DTWD2: variants seen among roughly 807,000 people sequenced by gnomAD.
DTWD2 encodes the protein tRNA-uridine aminocarboxypropyltransferase 2.
DTWD2 carries 39 observed loss-of-function variants against 31.8 expected under a neutral mutation model. The ratio of observed to expected loss-of-function variants is 1.22; its 90% CI spans 0.95 to 1.60. The LOEUF is 1.60. Ranked by LOEUF, DTWD2 falls within the 40% of genes most tolerant of loss-of-function variation. The pLI is 0.00. For synonymous variants in DTWD2, 180 were observed against 142.8 expected, an observed-to-expected ratio of 1.26 and a Z score of -1.86; for missense variants, 515 against 381.5, an observed-to-expected ratio of 1.35 and a Z score of -2.92.
intron 1 of DTWD2, among the ~76,000 whole-genome samples, chr5:118,962,773 G>A (rs970814816): frequency 6.6e-6 from 1 of 152,186 alleles, no homozygotes; most frequent in Non-Finnish European, 1.5e-5. Flanking sequence ...TCAGCAGGAG[G>A]TAGTATTTTT....
intron 1 of DTWD2, among the ~76,000 whole-genome samples, chr5:118,945,224 C>T (rs1754304698): frequency 6.6e-6 from 1 of 152,124 alleles, no homozygotes; most frequent in African/African-American, 2.4e-5. Context: ...CTTACCTTTT[C>T]TTACTGCTTG....
rs559168599 is a variant in DTWD2 at position 118,853,179 on chromosome 5, C to T, written c.598-4961G>A. On this transcript the variant is annotated intron_variant, in intron 4 of 5. Coordinates refer to ENST00000510708, the MANE Select transcript of DTWD2 (RefSeq NM_173666.4). ...CTCAGCATCACACAATATACCCATGCAACAAACCTGCACATATACCTCTTG... is the reference window on the plus strand; with the variant it reads ...CTCAGCATCACACAATATACCCATGTAACAAACCTGCACATATACCTCTTG... 6.6e-5 allele frequency among the ~76,000 whole-genome samples: 10 copies of T among 152,268 alleles called. No individual in the cohort carries two copies. In the East Asian group the frequency reaches 1.9e-3, roughly 29 times the overall value.
chr5:118,864,447 G>A (rs1272441233), intron 4 of DTWD2, among the ~76,000 whole-genome samples: 1 of 150,502 alleles, frequency 6.6e-6, no homozygotes, highest in East Asian at 1.9e-4. Flanking sequence ...CGAGTTAATG[G>A]GTGCAGCACA....
chr5:118,873,472 G>T (rs759833565), intron 4 of DTWD2, among the ~76,000 whole-genome samples: 3 of 152,178 alleles, frequency 2.0e-5, no homozygotes, highest in Admixed American at 6.5e-5. Context: ...TCAGCAGGGC[G>T]GCTCCTACAG....
rs146945157 is a variant in DTWD2 at position 118,924,108 on chromosome 5, G to A, written c.597+4429C>T. Among the ~76,000 whole-genome samples the A allele has an allele frequency of 5.9e-5, 9 of 152,286 alleles. No homozygotes were observed. In the East Asian group the frequency reaches 1.7e-3, roughly 29 times the overall value. On this transcript the variant is annotated intron_variant, in intron 4 of 5. Coordinates refer to ENST00000510708, the MANE Select transcript of DTWD2 (RefSeq NM_173666.4). ...TGATTCTCAAGAGTCTTCCAAAAAG[G>A]CAGAGGGCAGACCAACAGACAGGGG...
At chr5:118,876,127 G>A (rs1161608452) in intron 4 of DTWD2, among the ~76,000 whole-genome samples, 1 of 152,090 alleles carries the variant, frequency 6.6e-6, no homozygotes, top group African/African-American at 2.4e-5. Flanking sequence ...ATGAAATGAA[G>A]GCAGAAATCA....
Position 118,885,373 on chromosome 5 carries a change from A to G in DTWD2, c.598-37155T>C, listed in dbSNP as rs2066697607. Among the ~76,000 whole-genome samples the G allele has an allele frequency of 2.1e-5, 3 of 143,938 alleles. No homozygotes were observed. The South Asian group carries it at 6.6e-4, about 32-fold the overall frequency. The allele number at this position is 143,938 out of a possible 152,430, so 94.4% of individuals were successfully genotyped here. A position where few individuals can be genotyped will look rare whatever the true frequency, so the allele number is the denominator to read the frequency against. The stretch of plus-strand genomic sequence containing the variant: ...AGGCTGTGGCGGAAGAATCGCTTGA[A>G]CCCGGGAGGTGGAGGTAGCAGCGAG... On this transcript the variant is annotated intron_variant, in intron 4 of 5. Transcript: ENST00000510708.
chr5:118,958,688 C>T (rs1030063709), intron 1 of DTWD2, among the ~76,000 whole-genome samples: 6 of 150,920 alleles, frequency 4.0e-5, no homozygotes, highest in African/African-American at 1.5e-4. Flanking sequence ...AACATAAATG[C>T]AAAAATCCTC....
At chr5:118,884,701 G>A (rs1468456832) in intron 4 of DTWD2, among the ~76,000 whole-genome samples, 5 of 152,070 alleles carry the variant, frequency 3.3e-5, no homozygotes, top group African/African-American at 4.8e-5. Context: ...GTCAAAATAA[G>A]CTTTTAAAAA....
At chr5:118,905,085 TA>T (rs1304950691) in intron 4 of DTWD2, among the ~76,000 whole-genome samples, 1 of 152,172 alleles carries the variant, frequency 6.6e-6, no homozygotes, top group African/African-American at 2.4e-5. Flanking sequence ...AACAACTGCA[TA>T]TGTATGTACA....
chr5:118,913,426 T>C (rs1339712332), intron 4 of DTWD2, among the ~76,000 whole-genome samples: 2 of 132,210 alleles, frequency 1.5e-5, no homozygotes, highest in Non-Finnish European at 3.3e-5. Context: ...TATAGATATA[T>C]ATATATACAC....
At chr5:118,974,331 C>A (rs1369808926) in intron 1 of DTWD2, among the ~76,000 whole-genome samples, 2 of 151,928 alleles carry the variant, frequency 1.3e-5, no homozygotes, top group Admixed American at 1.3e-4. Flanking sequence ...AAAAAAGAAC[C>A]AAAACTTCCA....
At position 118,939,277 on chromosome 5, in the gene DTWD2, A is replaced by C; in HGVS notation, c.323T>G (p.Leu108Trp). Residue 108 changes from leucine (L) to tryptophan (W), a missense_variant, in exon 3 of 6, where the codon TTG becomes TGG. Transcript: ENST00000510708. Reference sequence around the variant, plus strand: ...TGCTGCTAGTAGAGGAACTGTACGCAACACTTTGTTTTCCTTTAATTAAAA... The same window carrying C: ...TGCTGCTAGTAGAGGAACTGTACGCCACACTTTGTTTTCCTTTAATTAAAA... ...IQHPAEENKV[L>W]RTVPLLAACL... 1 of 1,579,198 alleles carries C rather than the reference A, an allele frequency of 6.3e-7. No individual in the cohort carries two copies.
chr5:118,897,034 T>A (rs1753099050), intron 4 of DTWD2, among the ~76,000 whole-genome samples: 1 of 152,192 alleles, frequency 6.6e-6, no homozygotes, highest in Non-Finnish European at 1.5e-5. Flanking sequence ...TAAGACAACA[T>A]TTTGTGGGAG....
At chr5:118,941,964 G>C (rs1754214025) in intron 2 of DTWD2, among the ~76,000 whole-genome samples, 1 of 152,196 alleles carries the variant, frequency 6.6e-6, no homozygotes, top group African/African-American at 2.4e-5. Flanking sequence ...TCTGTTGGCT[G>C]CATAAATGTC....
chr5:118,985,517 T>TATATATATATACACACACACATATATAC (rs1554072595), intron 1 of DTWD2, among the ~76,000 whole-genome samples: 4 of 107,728 alleles, frequency 3.7e-5, no homozygotes, highest in Non-Finnish European at 8.1e-5. Context: ...TATATATATA[T>TATATATATATACACACACACATATATAC]ACACACACAT....
At chr5:118,871,344 C>T (rs1752500750) in intron 4 of DTWD2, among the ~76,000 whole-genome samples, 1 of 152,210 alleles carries the variant, frequency 6.6e-6, no homozygotes, top group Non-Finnish European at 1.5e-5. Context: ...CCACGAATCA[C>T]AAATGTTCTT....
Position 118,839,584 on chromosome 5 carries a change from A to G in DTWD2, c.*1333T>C. On this transcript the variant is annotated 3_prime_UTR_variant, in exon 6 of 6. Transcript: ENST00000510708. The stretch of plus-strand genomic sequence containing the variant: ...ACCATATTGCCCAGGCTGGTCTCAA[A>G]CTCCTGGGCTCAAGCAATTCTCACA... 1 of 151,708 alleles carries G rather than the reference A, an allele frequency of 6.6e-6. No homozygotes were observed. The highest frequency in any genetic ancestry group is 1.5e-5 in the Non-Finnish European group (1 of 67,936). 9.4% of individuals were successfully genotyped at this position (151,708 alleles called of 1,614,324 possible). A position where few individuals can be genotyped will look rare whatever the true frequency, so the allele number is the denominator to read the frequency against.
intron 4 of DTWD2, among the ~76,000 whole-genome samples, chr5:118,925,494 A>G (rs1051453542): frequency 2.0e-5 from 3 of 152,246 alleles, no homozygotes; most frequent in African/African-American, 4.8e-5. Context: ...AATAATGATG[A>G]AAAGTGTTAA....
Sources: allele counts gnomAD v4.1 joint callset (sites outside exome capture counted in the v4.1 genomes callset), GRCh38; gene constraint gnomAD v4.1.1; transcripts MANE v1.5; gene names NCBI Gene and HGNC (gene_info 2026-07-23, HGNC 2026-07-21).